The following MISFA variants were observed in gnomAD, a reference collection of about 807,000 sequenced individuals.
The protein encoded by MISFA is mitochondrial sheath formation associated, also known as mitochondrial sheath formation-associated protein.
At chr11:18,602,826 A>C in the MISFA span, among the ~76,000 whole-genome samples, 3 of 152,104 alleles carry the variant, frequency 2.0e-5, no homozygotes, top group African/African-American at 7.2e-5. Flanking sequence ...CCTTTTGATA[A>C]ATTTTCTTTA....
the MISFA span, chr11:18,608,007 T>TA: frequency 2.6e-5 from 4 of 152,442 alleles, no homozygotes; most frequent in African/African-American, 9.7e-5. Context: ...ATATATCCAA[T>TA]AAAAAATTTT....
chr11:18,608,795 T>C, the MISFA span: 5 of 152,626 alleles, frequency 3.3e-5, no homozygotes, highest in African/African-American at 1.2e-4. Context: ...AAAAAATCTC[T>C]TCACAGTGCA....
chr11:18,602,385 C>T, the MISFA span: 1 of 152,636 alleles, frequency 6.6e-6, no homozygotes, highest in African/African-American at 2.4e-5. Context: ...GGGTTTTTAT[C>T]TCCATCTGCC....
At chr11:18,603,114 A>G in the MISFA span, 13 of 398,938 alleles carry the variant, frequency 3.3e-5, no homozygotes, top group Non-Finnish European at 5.8e-5. Context: ...GCTGAGAAAG[A>G]AGCCTCATGA....
At chr11:18,608,502 GAACGTTTATTATTC>G in the MISFA span, 1 of 152,178 alleles carries the variant, frequency 6.6e-6, no homozygotes, top group African/African-American at 2.4e-5. Flanking sequence ...GTTTATTGTA[GAACGTTTATTATTC>G]CTACAAGCTT....
chr11:18,607,863 G>T, the MISFA span: 1 of 152,102 alleles, frequency 6.6e-6, no homozygotes, highest in African/African-American at 2.4e-5. Context: ...TAACATAATG[G>T]TGCCTTTCTG....
the MISFA span, chr11:18,609,733 C>T: frequency 1.4e-6 from 1 of 729,664 alleles, no homozygotes; most frequent in Non-Finnish European, 2.3e-6. Context: ...CTGCAAATGA[C>T]AGTATGCATT....
chr11:18,599,847 G>A, the MISFA span: 2 of 397,520 alleles, frequency 5.0e-6, no homozygotes, highest in Admixed American at 4.4e-5. Flanking sequence ...TGAAGGTTTC[G>A]TGAGCGCACT....
At chr11:18,604,417 A>G in the MISFA span, among the ~76,000 whole-genome samples, 1 of 151,620 alleles carries the variant, frequency 6.6e-6, no homozygotes, top group East Asian at 2.0e-4. Context: ...GCACTTTGGG[A>G]GGCCAACACA....
chr11:18,601,504 G>A, the MISFA span: 1 of 397,126 alleles, frequency 2.5e-6, no homozygotes, highest in African/African-American at 2.1e-5. Context: ...CTGGAGTGAG[G>A]TGCAAGCAGT....
At chr11:18,606,398 A>AAAT in the MISFA span, 2 of 173,832 alleles carry the variant, frequency 1.2e-5, no homozygotes, top group African/African-American at 4.8e-5. Flanking sequence ...AAACCAGCAA[A>AAAT]AATATCAATA....
chr11:18,604,134 T>G, the MISFA span, among the ~76,000 whole-genome samples: 60 of 151,890 alleles, frequency 4.0e-4, 2 homozygotes, highest in East Asian at 6.7e-3. Context: ...CACCGTGTTA[T>G]CCAGGATGGT....
chr11:18,603,821 G>GA, the MISFA span: 1 of 394,162 alleles, frequency 2.5e-6, no homozygotes. Flanking sequence ...ATGCAGCTGT[G>GA]AAGCTCACCT....
chr11:18,600,512 CTTTTTTTTTTTTT>C, the MISFA span, among the ~76,000 whole-genome samples: 921 of 54,122 alleles, frequency 0.017, 17 homozygotes, highest in African/African-American at 0.033. Flanking sequence ...TGGGGACATC[CTTTTTTTTTTTTT>C]TTTTTTTTTT....
the MISFA span, chr11:18,603,916 ACT>A: frequency 7.0e-6 from 1 of 141,882 alleles, no homozygotes; most frequent in Non-Finnish European, 1.2e-5. Context: ...AAGTTACCGC[ACT>A]TTTTTTTTTT....
the MISFA span, among the ~76,000 whole-genome samples, chr11:18,605,848 T>G: frequency 3.9e-5 from 6 of 152,148 alleles, no homozygotes; most frequent in African/African-American, 1.4e-4. Flanking sequence ...CGCCACATTT[T>G]TGTATTTTTA....
At chr11:18,603,835 C>T in the MISFA span, 1 of 398,062 alleles carries the variant, frequency 2.5e-6, no homozygotes, top group South Asian at 1.3e-4. Context: ...CTCACCTGAC[C>T]AGCTGTACAG....
At chr11:18,601,462 T>C in the MISFA span, 1 of 398,204 alleles carries the variant, frequency 2.5e-6, no homozygotes, top group Non-Finnish European at 4.4e-6. Context: ...TTTTTTTTTT[T>C]TTCTGAAACA....
the MISFA span, chr11:18,609,454 T>C: frequency 6.1e-6 from 1 of 165,042 alleles, no homozygotes; most frequent in Admixed American, 5.9e-5. Context: ...TAAGTTTGAT[T>C]GGGAGCAGGG....
Sources: allele counts gnomAD v4.1 joint callset (sites outside exome capture counted in the v4.1 genomes callset), GRCh38; gene constraint gnomAD v4.1.1; transcripts MANE v1.5; gene names NCBI Gene and HGNC (gene_info 2026-07-23, HGNC 2026-07-21).